GSE1: variants seen among roughly 807,000 people sequenced by gnomAD.
The protein encoded by GSE1 is Gse1 coiled-coil protein.
A neutral mutation model predicts 112.6 loss-of-function variants in GSE1; 32 were observed. The observed-to-expected ratio is 0.28, with a 90% CI of 0.21 to 0.38. The LOEUF (loss-of-function observed/expected upper bound fraction) is 0.38. GSE1 is among the 10% of genes least tolerant of loss of function. GSE1 has a pLI of 1.00. For synonymous variants in GSE1, 1,115 were observed against 735.6 expected (o/e 1.52, Z -8.35); for missense variants, 2,348 against 1,699.2 (o/e 1.38, Z -6.71).
At chr16:85,597,433 C>A (rs1236701751) in intron 1 of GSE1, among the ~76,000 whole-genome samples, 1 of 144,994 alleles carries the variant, frequency 6.9e-6, no homozygotes, top group Admixed American at 6.9e-5. Flanking sequence ...CAGTATTCTA[C>A]AAGTTTACTC....
At chr16:85,421,418 G>A (rs538097147) in intron 2 of GSE1, among the ~76,000 whole-genome samples, 3 of 152,110 alleles carry the variant, frequency 2.0e-5, no homozygotes, top group Non-Finnish European at 4.4e-5. Flanking sequence ...GCAAGCAGGG[G>A]CTCCACCGCC....
intron 3 of GSE1, among the ~76,000 whole-genome samples, chr16:85,652,966 C>G (rs1048341797): frequency 2.2e-4 from 33 of 151,648 alleles, no homozygotes; most frequent in Admixed American, 2.2e-3. Context: ...GAGGAAGGGC[C>G]GGGTTCCCGT....
At chr16:85,376,655 C>T (rs2047427340) in intron 2 of GSE1, among the ~76,000 whole-genome samples, 1 of 152,228 alleles carries the variant, frequency 6.6e-6, no homozygotes, top group African/African-American at 2.4e-5. Flanking sequence ...AGCTGGAGGC[C>T]AGCCCAGAGG....
chr16:85,356,819 A>G (rs939208485), intron 1 of GSE1, among the ~76,000 whole-genome samples: 1 of 152,114 alleles, frequency 6.6e-6, no homozygotes, highest in African/African-American at 2.4e-5. Context: ...GTTGTAATCA[A>G]GGCACTCCAG....
At chr16:85,284,912 T>A (rs1429213784) in intron 1 of GSE1, 1 of 152,148 alleles carries the variant, frequency 6.6e-6, no homozygotes, top group East Asian at 1.9e-4. Flanking sequence ...CAGACCAGAA[T>A]TTGAACTTAA....
At chr16:85,336,890 A>G (rs1463221310) in intron 1 of GSE1, among the ~76,000 whole-genome samples, 1 of 152,260 alleles carries the variant, frequency 6.6e-6, no homozygotes, top group African/African-American at 2.4e-5. Flanking sequence ...ATGCTCACAC[A>G]GGCACACACG....
At chr16:85,573,001 C>T (rs1013848245) in intron 1 of GSE1, among the ~76,000 whole-genome samples, 11 of 152,158 alleles carry the variant, frequency 7.2e-5, no homozygotes, top group African/African-American at 2.4e-4. Context: ...TCCTGAGTAG[C>T]TGGGATTAGA....
intron 2 of GSE1, among the ~76,000 whole-genome samples, chr16:85,497,345 C>G (rs1199656590): frequency 6.6e-6 from 1 of 152,206 alleles, no homozygotes; most frequent in Non-Finnish European, 1.5e-5. Context: ...CAGATCCTAG[C>G]ACATGTGGGA....
intron 2 of GSE1, among the ~76,000 whole-genome samples, chr16:85,483,980 G>A (rs1240090334): frequency 1.3e-5 from 2 of 152,224 alleles, no homozygotes; most frequent in African/African-American, 4.8e-5. Flanking sequence ...AACCTCCTCA[G>A]CGACCCTCCC....
In GSE1 at chr16:85,316,263, T is replaced by C. The variant is rs370385725; in HGVS notation, c.2284-41200T>C. Among the ~76,000 whole-genome samples, 3 of 152,398 alleles carry C rather than the reference T, an allele frequency of 2.0e-5. No homozygotes were observed. The South Asian group carries it at 6.2e-4, about 32-fold the overall frequency. On this transcript the variant is annotated intron_variant, in intron 1 of 2. Coordinates refer to the GSE1 transcript ENST00000637419. ...TTAATATATTCTCTCTAGCCTAATA[T>C]ATTCAAAATATTATCATTTCAACAT...
chr16:85,470,239 T>C (rs970545096), intron 2 of GSE1, among the ~76,000 whole-genome samples: 10 of 152,110 alleles, frequency 6.6e-5, no homozygotes, highest in Admixed American at 1.3e-4. Context: ...GAATCCTCGG[T>C]TGATGTGAGA....
In GSE1 at chr16:85,290,440, C is replaced by T. The variant is rs142296459; in HGVS notation, c.2284-67023C>T. On this transcript the variant is annotated intron_variant, in intron 1 of 2. Coordinates refer to the GSE1 transcript ENST00000637419. Reference sequence around the variant, plus strand: ...GTAAGCAGTTCTCTTTCTGCAACCTCGATAGACACTAGGCCTCTAGGGGGC... The same window carrying T: ...GTAAGCAGTTCTCTTTCTGCAACCTTGATAGACACTAGGCCTCTAGGGGGC... Among the ~76,000 whole-genome samples the T allele has an allele frequency of 6.6e-5, 10 of 152,316 alleles. No individual in the cohort carries two copies. In the East Asian group the frequency reaches 1.7e-3, roughly 26 times the overall value.
chr16:85,243,991 T>C (rs1905378932), intron 1 of GSE1, among the ~76,000 whole-genome samples: 1 of 152,058 alleles, frequency 6.6e-6, no homozygotes, highest in East Asian at 1.9e-4. Context: ...CCAGGTGTGG[T>C]GGCACATACC....
At chr16:85,616,208 C>T (rs1211848942) in intron 1 of GSE1, among the ~76,000 whole-genome samples, 2 of 152,238 alleles carry the variant, frequency 1.3e-5, no homozygotes, top group Admixed American at 6.5e-5. Flanking sequence ...TCCCCTTGAG[C>T]CCCTGGAGCA....
intron 1 of GSE1, among the ~76,000 whole-genome samples, chr16:85,344,778 C>A (rs992598037): frequency 1.3e-5 from 2 of 152,230 alleles, no homozygotes; most frequent in African/African-American, 4.8e-5. Context: ...TCTATGCCCT[C>A]AGCCCCAGCA....
chr16:85,353,298 G>T (rs11864341), intron 1 of GSE1, among the ~76,000 whole-genome samples: 3,829 of 152,330 alleles, frequency 0.025, 145 homozygotes, highest in African/African-American at 0.087. Context: ...ACTGAGGGCT[G>T]CTACGCACCT....
At chr16:85,331,581 G>GTATATA (rs1567693188) in intron 1 of GSE1, among the ~76,000 whole-genome samples, 3 of 114,036 alleles carry the variant, frequency 2.6e-5, no homozygotes, top group African/African-American at 6.1e-5. Context: ...ATGTGTACAT[G>GTATATA]TGTATATATG....
rs367747674 is a variant in GSE1 at position 85,504,071 on chromosome 16, A to G, written c.2465-129843A>G. On this transcript the variant is annotated intron_variant, in intron 2 of 2. Coordinates refer to the GSE1 transcript ENST00000637419. ...CTCTGCCTCCCACGGTGCTGCCCGC[A>G]CCTCTCTTCCAGGCCTGTGTTTACT... Among the ~76,000 whole-genome samples, 1,110 of 152,024 alleles carry G rather than the reference A, an allele frequency of 7.3e-3. 16 individuals are homozygous for G. The highest frequency in any genetic ancestry group is 0.026 in the African/African-American group (1,057 of 41,434).
intron 1 of GSE1, among the ~76,000 whole-genome samples, chr16:85,558,946 C>G (rs2045382844): frequency 6.6e-6 from 1 of 151,412 alleles, no homozygotes; most frequent in Admixed American, 6.6e-5. Context: ...CAACCTCCAC[C>G]TTCCAGGTTC....
Sources: gnomAD v4.1 joint callset for allele counts (sites outside exome capture counted in the v4.1 genomes callset) on GRCh38, gnomAD v4.1.1 for gene constraint, MANE v1.5 for transcripts, NCBI Gene and HGNC (gene_info 2026-07-23, HGNC 2026-07-21) for gene names.